LANCL3: variants seen among roughly 807,000 people sequenced by gnomAD.
The protein encoded by LANCL3 is LanC like family member 3, also known as lanC-like protein 3.
Under a neutral mutation model 26.5 loss-of-function variants are expected in LANCL3, and 19 were observed. That is an observed-to-expected ratio of 0.72 (90% CI 0.50 to 1.05). LANCL3 has a LOEUF of 1.05. LANCL3 is among the 50% of genes least tolerant of loss of function. LANCL3 has a pLI of 0.00. For synonymous variants in LANCL3, 160 were observed against 166.6 expected, an observed-to-expected ratio of 0.96 and a Z score of 0.30; for missense variants, 318 against 362.7, an observed-to-expected ratio of 0.88 and a Z score of 1.00.
chrX:37,667,487 A>AATG lies in LANCL3; in HGVS notation c.1102_1103insTGA (p.Gln367_Arg368insMet), dbSNP rs1926574403. 1.8e-6 allele frequency: 2 copies of AATG among 1,132,215 alleles called. No homozygotes were observed. Among genetic ancestry groups the AATG allele is most frequent in the Non-Finnish European group, 2.3e-6 (2 of 860,151 alleles). The allele number at this position is 1,132,215 out of a possible 1,213,427, so 93.3% of individuals were successfully genotyped here. A position where few individuals can be genotyped will look rare whatever the true frequency, so the allele number is the denominator to read the frequency against. The stretch of plus-strand genomic sequence containing the variant: ...ACTCTAAATACATCTACCGAGCTCA[A>AATG]AGGTCAGCTGTTCTTTATGGGTCTT... On this transcript the variant is annotated inframe_insertion and splice_region_variant, in exon 4 of 5. Transcript: ENST00000378619.
chrX:37,647,774 A>G (rs1288936543), intron 1 of LANCL3, among the ~76,000 whole-genome samples: 1 of 112,500 alleles, frequency 8.9e-6, no homozygotes, highest in East Asian at 2.8e-4. Context: ...GGTCAGACTT[A>G]GAACTGTACT....
intron 1 of LANCL3, among the ~76,000 whole-genome samples, chrX:37,628,824 C>G (rs1481344192): frequency 9.1e-6 from 1 of 110,013 alleles, no homozygotes; most frequent in Non-Finnish European, 1.9e-5. Flanking sequence ...ATATGTACCA[C>G]ATTTTCTTAA....
At chrX:37,633,530 C>G (rs1407006183) in intron 1 of LANCL3, among the ~76,000 whole-genome samples, 2 of 111,113 alleles carry the variant, frequency 1.8e-5, no homozygotes, top group Non-Finnish European at 3.8e-5. Context: ...TCCAGTTTTT[C>G]CGCTCTGTTT....
intron 1 of LANCL3, among the ~76,000 whole-genome samples, chrX:37,598,194 C>A (rs1379824361): frequency 1.8e-5 from 2 of 111,519 alleles, no homozygotes; most frequent in African/African-American, 6.5e-5. Flanking sequence ...TCAACTTTAT[C>A]TTTTGTTGCT....
chrX:37,617,124 G>A (rs984038425), intron 1 of LANCL3, among the ~76,000 whole-genome samples: 2 of 109,268 alleles, frequency 1.8e-5, no homozygotes, highest in East Asian at 5.7e-4. Context: ...AAGTGGGTGG[G>A]GGGGAGGGAG....
At chrX:37,626,708 T>G (rs1556423098) in intron 1 of LANCL3, among the ~76,000 whole-genome samples, 3 of 111,780 alleles carry the variant, frequency 2.7e-5, no homozygotes, top group African/African-American at 6.5e-5. Context: ...GCAAATGCAG[T>G]AAACAATTTG....
At chrX:37,578,643 C>A (rs782276912) in intron 1 of LANCL3, among the ~76,000 whole-genome samples, 33 of 111,898 alleles carry the variant, frequency 2.9e-4, no homozygotes, top group African/African-American at 8.1e-4. Context: ...AAAATTATTT[C>A]TCTCATCAAA....
At chrX:37,605,344 C>A in intron 1 of LANCL3, among the ~76,000 whole-genome samples, 1 of 111,940 alleles carries the variant, frequency 8.9e-6, no homozygotes, top group Non-Finnish European at 1.9e-5. Context: ...GTAGTTCCCA[C>A]CTTAAGACTG....
intron 1 of LANCL3, among the ~76,000 whole-genome samples, chrX:37,581,126 C>T (rs1602092239): frequency 9.5e-6 from 1 of 105,596 alleles, no homozygotes; most frequent in East Asian, 2.8e-4. Context: ...AACTTGAGCA[C>T]AACACTCTGA....
chrX:37,577,153 T>C (rs1923772218), intron 1 of LANCL3, among the ~76,000 whole-genome samples: 1 of 112,479 alleles, frequency 8.9e-6, no homozygotes, highest in Non-Finnish European at 1.9e-5. Context: ...ATATTAAGAA[T>C]GATAACAAGG....
At chrX:37,605,558 C>G (rs1203666992) in intron 1 of LANCL3, among the ~76,000 whole-genome samples, 1 of 111,654 alleles carries the variant, frequency 9.0e-6, no homozygotes, top group Non-Finnish European at 1.9e-5. Context: ...AACAGCCCTT[C>G]CTGGCATTAC....
chrX:37,679,146 T>C lies in LANCL3; in HGVS notation c.*3333T>C. ...GGGTTGTTATAAAAGTTGTCAATGA[T>C]AAAATGGATATAAGTGAGTTTTTTA... On this transcript the variant is annotated 3_prime_UTR_variant, in exon 5 of 5. Transcript: ENST00000378619. The C allele has an allele frequency of 8.9e-6, 1 of 112,011 alleles. No homozygotes were observed. The highest frequency in any genetic ancestry group is 2.8e-4 in the East Asian group (1 of 3,588). 9.2% of individuals were successfully genotyped at this position (112,011 alleles called of 1,213,427 possible).
intron 1 of LANCL3, among the ~76,000 whole-genome samples, chrX:37,634,599 ATG>A (rs1556425139): frequency 8.9e-6 from 1 of 112,517 alleles, no homozygotes; most frequent in Non-Finnish European, 1.9e-5. Context: ...CCCCTTTGTA[ATG>A]TGTGATTTTG....
chrX:37,615,222 T>A, intron 1 of LANCL3, among the ~76,000 whole-genome samples: 1 of 112,015 alleles, frequency 8.9e-6, no homozygotes. Context: ...TTGTTAAAAT[T>A]TGGATTCTAA....
At chrX:37,655,946 T>A in intron 2 of LANCL3, 135 bp downstream of exon 2, 1 of 490,595 alleles carries the variant, frequency 2.0e-6, no homozygotes, top group Non-Finnish European at 3.3e-6. Flanking sequence ...AAATTTTCTT[T>A]AAAAACCTAT....
intron 3 of LANCL3, among the ~76,000 whole-genome samples, chrX:37,664,080 G>T (rs917872760): frequency 1.1e-4 from 12 of 112,245 alleles, no homozygotes; most frequent in Admixed American, 1.9e-4. Flanking sequence ...TCAAGAAGAT[G>T]CAGCAGTGAG....
At chrX:37,651,815 T>G (rs868912737) in intron 1 of LANCL3, among the ~76,000 whole-genome samples, 1 of 105,468 alleles carries the variant, frequency 9.5e-6, no homozygotes, top group Non-Finnish European at 1.9e-5. Flanking sequence ...GGTGTTCTCA[T>G]TGTTCAATTC....
At chrX:37,617,790 G>A (rs781980235) in intron 1 of LANCL3, among the ~76,000 whole-genome samples, 11 of 111,656 alleles carry the variant, frequency 9.9e-5, no homozygotes, top group Non-Finnish European at 1.7e-4. Flanking sequence ...TCCCCAAAGA[G>A]GGAAAGGCAT....
At chrX:37,642,269 A>C (rs1925883530) in intron 1 of LANCL3, among the ~76,000 whole-genome samples, 1 of 112,179 alleles carries the variant, frequency 8.9e-6, no homozygotes, top group Non-Finnish European at 1.9e-5. Context: ...AGTGAAGGCT[A>C]GCAATGTTGT....
Sources: gnomAD v4.1 joint callset for allele counts (sites outside exome capture counted in the v4.1 genomes callset) on GRCh38, gnomAD v4.1.1 for gene constraint, MANE v1.5 for transcripts, NCBI Gene and HGNC (gene_info 2026-07-23, HGNC 2026-07-21) for gene names.